MYO9A: variants seen among roughly 807,000 people sequenced by gnomAD.
The protein encoded by MYO9A is unconventional myosin-IXa.
Under a neutral mutation model 293.3 loss-of-function variants are expected in MYO9A, and 103 were observed. The ratio of observed to expected loss-of-function variants is 0.35; its 90% confidence interval spans 0.30 to 0.41. The LOEUF (loss-of-function observed/expected upper bound fraction) is 0.41. Among genes scored for constraint, MYO9A ranks in the 10% least tolerant of loss-of-function variants. The probability of loss-of-function intolerance (pLI) is 1.00; values close to 1 mark genes in which losing one functional copy is unlikely to be tolerated. For missense variants in MYO9A, 2,685 were observed against 3,033.0 expected, an observed-to-expected ratio of 0.89 and a Z score of 2.69; for synonymous variants, 1,001 against 1,035.7, an observed-to-expected ratio of 0.97 and a Z score of 0.64.
intron 18 of MYO9A, among the ~76,000 whole-genome samples, chr15:71,927,943 C>T (rs1305979300): frequency 8.0e-4 from 108 of 135,402 alleles, no homozygotes; most frequent in African/African-American, 2.8e-3. Context: ...TACGGGTTTA[C>T]TTCTGAGCTT....
chr15:71,968,017 T>C lies in MYO9A; in HGVS notation c.1953A>G (p.Lys651=). ...CATATTTTACTTTTCCAGCATAATG[T>C]TTTATAATGAAAGCAGGCTCCATCA... ...PAVMEPAFII[K]HYAGKVKYGV... Residue 651 remains lysine (K), a synonymous_variant, in exon 13 of 42, where the codon AAA becomes AAG. Transcript: ENST00000356056. 2 of 1,611,616 alleles carry C rather than the reference T, an allele frequency of 1.2e-6. No individual in the cohort carries two copies. Among genetic ancestry groups the C allele is most frequent in the Non-Finnish European group, 1.7e-6 (2 of 1,179,102 alleles).
At chr15:71,834,778 A>ACAAG (rs1037211053) in intron 39 of MYO9A, among the ~76,000 whole-genome samples, 1 of 152,134 alleles carries the variant, frequency 6.6e-6, no homozygotes, top group Non-Finnish European at 1.5e-5. Context: ...AAACAAACAA[A>ACAAG]CAAACAAAAA....
chr15:72,065,398 C>G (rs756077151), intron 1 of MYO9A, among the ~76,000 whole-genome samples: 5 of 151,712 alleles, frequency 3.3e-5, no homozygotes, highest in Admixed American at 6.6e-5. Flanking sequence ...ACCTGTAATC[C>G]CAGCTACTTG....
At chr15:71,909,667 C>G (rs1049228400) in intron 19 of MYO9A, among the ~76,000 whole-genome samples, 21 of 152,248 alleles carry the variant, frequency 1.4e-4, no homozygotes, top group Non-Finnish European at 2.1e-4. Flanking sequence ...TTACAATATA[C>G]AAACCTAACT....
At chr15:71,936,105 T>C (rs1263910198) in intron 16 of MYO9A, among the ~76,000 whole-genome samples, 1 of 152,044 alleles carries the variant, frequency 6.6e-6, no homozygotes, top group East Asian at 1.9e-4. Context: ...AAATGTGGTA[T>C]ATACATACAA....
intron 6 of MYO9A, among the ~76,000 whole-genome samples, chr15:72,012,603 A>G (rs1333434624): frequency 6.6e-6 from 1 of 152,090 alleles, no homozygotes; most frequent in Non-Finnish European, 1.5e-5. Context: ...CAGCCCTAAG[A>G]TAAATTTTTA....
At chr15:71,845,730 T>C (rs2055356232) in intron 39 of MYO9A, among the ~76,000 whole-genome samples, 1 of 152,230 alleles carries the variant, frequency 6.6e-6, no homozygotes, top group Non-Finnish European at 1.5e-5. Flanking sequence ...AGGTGTAAAT[T>C]AATTTTATTT....
intron 39 of MYO9A, among the ~76,000 whole-genome samples, chr15:71,832,311 A>G (rs941317929): frequency 2.0e-5 from 3 of 152,184 alleles, no homozygotes; most frequent in Non-Finnish European, 4.4e-5. Context: ...ATCATGGCAG[A>G]GAATTTTTTA....
intron 6 of MYO9A, among the ~76,000 whole-genome samples, chr15:72,013,206 T>C (rs973630580): frequency 2.0e-5 from 3 of 152,158 alleles, no homozygotes; most frequent in Non-Finnish European, 4.4e-5. Flanking sequence ...TGGAGTTTAA[T>C]CCCAAGGTTA....
chr15:72,050,322 T>C (rs946313756), intron 1 of MYO9A, among the ~76,000 whole-genome samples: 1 of 152,058 alleles, frequency 6.6e-6, no homozygotes, highest in Non-Finnish European at 1.5e-5. Context: ...AAAACGTACA[T>C]TACCAGCCGG....
At chr15:72,037,261 C>A (rs1187626595) in intron 2 of MYO9A, among the ~76,000 whole-genome samples, 35 of 74,248 alleles carry the variant, frequency 4.7e-4, no homozygotes, top group East Asian at 2.9e-3. Flanking sequence ...CAGAATGGGG[C>A]AAAAAAAAAA....
intron 18 of MYO9A, among the ~76,000 whole-genome samples, chr15:71,924,539 G>C (rs1013854881): frequency 1.3e-5 from 2 of 152,052 alleles, no homozygotes; most frequent in Non-Finnish European, 2.9e-5. Context: ...AAGGCCCCCG[G>C]CTCCCAATTT....
intron 25 of MYO9A, among the ~76,000 whole-genome samples, chr15:71,895,899 C>G (rs2057311483): frequency 6.6e-6 from 1 of 151,892 alleles, no homozygotes; most frequent in Non-Finnish European, 1.5e-5. Flanking sequence ...AGTGTATACA[C>G]CTATAATACA....
intron 1 of MYO9A, among the ~76,000 whole-genome samples, chr15:72,047,774 C>CTTTTTTTTTTTTTTTT (rs11397735): frequency 5.4e-5 from 4 of 74,390 alleles, no homozygotes; most frequent in Non-Finnish European, 6.8e-5. Context: ...CAGTTACTTC[C>CTTTTTTTTTTTTTTTT]TTTTTTTTTT....
chr15:71,862,462 G>C, intron 33 of MYO9A, 38 bp downstream of exon 33: 2 of 1,453,854 alleles, frequency 1.4e-6, no homozygotes, highest in Non-Finnish European at 9.7e-7. Flanking sequence ...AGAAATGTCA[G>C]TGGTTAAAAA....
At chr15:71,997,043 T>C (rs533738965) in intron 9 of MYO9A, among the ~76,000 whole-genome samples, 22 of 152,252 alleles carry the variant, frequency 1.4e-4, no homozygotes, top group African/African-American at 5.1e-4. Context: ...ACTGCCAAGA[T>C]ATTAAGTCTG....
At chr15:72,067,675 C>G (rs965962661) in intron 1 of MYO9A, among the ~76,000 whole-genome samples, 2 of 152,194 alleles carry the variant, frequency 1.3e-5, no homozygotes, top group Admixed American at 6.5e-5. Context: ...GGAGACTAGA[C>G]TATAACCAAA....
intron 1 of MYO9A, among the ~76,000 whole-genome samples, chr15:72,112,823 G>A (rs2080829562): frequency 6.6e-6 from 1 of 152,160 alleles, no homozygotes; most frequent in Non-Finnish European, 1.5e-5. Flanking sequence ...GAGTTCTAGT[G>A]ATATTCTATA....
At position 71,888,279 on chromosome 15, in the gene MYO9A, A is replaced by G. The variant is rs542134606; in HGVS notation, c.5143-163T>C. 14 of 401,932 alleles carry G rather than the reference A, an allele frequency of 3.5e-5. No individual in the cohort carries two copies. The South Asian group carries it at 8.4e-4, about 24-fold the overall frequency. The allele number at this position is 401,932 out of a possible 1,614,324, so 24.9% of individuals were successfully genotyped here. A position where few individuals can be genotyped will look rare whatever the true frequency, so the allele number is the denominator to read the frequency against. Reference sequence around the variant, plus strand: ...TAATAGAGCCTACTGAAAACTCTATATAAAGTAATCTGAAATAAAGATGAC... The same window carrying G: ...TAATAGAGCCTACTGAAAACTCTATGTAAAGTAATCTGAAATAAAGATGAC... On this transcript the variant is annotated intron_variant, in intron 26 of 41. Transcript: ENST00000356056.
Sources: gnomAD v4.1 joint callset for allele counts (sites outside exome capture counted in the v4.1 genomes callset) on GRCh38, gnomAD v4.1.1 for gene constraint, MANE v1.5 for transcripts, NCBI Gene and HGNC (gene_info 2026-07-23, HGNC 2026-07-21) for gene names.